The following ERC2 variants were observed in gnomAD, a reference collection of about 807,000 sequenced individuals.
The protein encoded by ERC2 is ELKS/RAB6-interacting/CAST family member 2.
Under a neutral mutation model 114.8 loss-of-function variants are expected in ERC2, and 42 were observed. The ratio of observed to expected loss-of-function variants is 0.37; its 90% CI spans 0.29 to 0.47. ERC2 has a LOEUF of 0.47. Among genes scored for constraint, ERC2 ranks in the 20% least tolerant of loss-of-function variants. ERC2 has a pLI of 0.99. For missense variants in ERC2, 939 were observed against 1,150.7 expected (o/e 0.82, Z 2.66); for synonymous variants, 454 against 425.5 (o/e 1.07, Z -0.82).
chr3:55,895,952 A>G (rs2063822711), intron 13 of ERC2, among the ~76,000 whole-genome samples: 1 of 152,230 alleles, frequency 6.6e-6, no homozygotes, highest in East Asian at 1.9e-4. Context: ...TGGAGGCCCT[A>G]TGTTCGCTGC....
intron 13 of ERC2, among the ~76,000 whole-genome samples, chr3:55,946,184 G>A (rs1307735629): frequency 6.6e-6 from 1 of 152,166 alleles, no homozygotes; most frequent in Non-Finnish European, 1.5e-5. Context: ...TGTGGGCTCT[G>A]ATGGGACACA....
rs2073510318 is a variant in ERC2, at chr3:56,018,907, G to A, written c.1766C>T (p.Ala589Val). Reference sequence around the variant, plus strand: ...GTGCATGCTCACCTTCTCTGACAGAGCTTCCTCTAGCGTCGCCAGTGCAGT... The same window carrying A: ...GTGCATGCTCACCTTCTCTGACAGAACTTCCTCTAGCGTCGCCAGTGCAGT... ...TDTALATLEE[A>V]LSEKERIIER... Residue 589 changes from alanine (A) to valine (V), a missense_variant, in exon 8 of 18, where the codon GCT becomes GTT. By Grantham distance (64) the Ala-to-Val change is moderately conservative. Transcript: ENST00000288221. 1.2e-6 allele frequency: 2 copies of A among 1,611,832 alleles called. No individual in the cohort carries two copies. Among genetic ancestry groups the A allele is most frequent in the Non-Finnish European group, 1.7e-6 (2 of 1,179,088 alleles).
intron 2 of ERC2, among the ~76,000 whole-genome samples, chr3:56,378,861 C>T (rs533915478): frequency 6.6e-6 from 1 of 152,162 alleles, no homozygotes; most frequent in Admixed American, 6.5e-5. Flanking sequence ...TACCTCCATT[C>T]GAGAACCCTG....
intron 2 of ERC2, among the ~76,000 whole-genome samples, chr3:56,331,874 CA>C (rs1314014780): frequency 1.7e-4 from 26 of 152,162 alleles, no homozygotes; most frequent in Admixed American, 1.4e-3. Flanking sequence ...AAAAGCTAGG[CA>C]GATGGATAAG....
chr3:55,860,451 G>A (rs537928619), intron 14 of ERC2, among the ~76,000 whole-genome samples: 51 of 151,412 alleles, frequency 3.4e-4, no homozygotes, highest in Non-Finnish European at 6.2e-4. Context: ...TTCTTTTTTG[G>A]TATGTAGAGT....
chr3:56,351,339 C>T lies in ERC2; in HGVS notation c.658-54904G>A, dbSNP rs147097204. The stretch of plus-strand genomic sequence containing the variant: ...GACATAAAATAACTGACCATTTGTA[C>T]GCATCCTTTTTCTTTCTTTTCATAT... On this transcript the variant is annotated intron_variant, in intron 2 of 17. Transcript: ENST00000288221. Among the ~76,000 whole-genome samples the T allele has an allele frequency of 7.6e-3, 1,159 of 152,098 alleles. 16 individuals carry two copies. The highest frequency in any genetic ancestry group is 0.025 in the African/African-American group (1,021 of 41,488).
intron 2 of ERC2, among the ~76,000 whole-genome samples, chr3:56,383,534 G>A (rs1470293677): frequency 6.6e-6 from 1 of 152,150 alleles, no homozygotes; most frequent in African/African-American, 2.4e-5. Context: ...CTATCACAGT[G>A]CCTGGCACAT....
At chr3:55,524,428 G>C (rs372799524) in intron 17 of ERC2, among the ~76,000 whole-genome samples, 15 of 151,230 alleles carry the variant, frequency 9.9e-5, no homozygotes, top group African/African-American at 3.6e-4. Context: ...AGCCAGCCAC[G>C]TTGGCAGCCT....
intron 13 of ERC2, among the ~76,000 whole-genome samples, chr3:55,918,341 A>G (rs2065225020): frequency 6.6e-6 from 1 of 152,112 alleles, no homozygotes; most frequent in Admixed American, 6.6e-5. Context: ...ATCTATGAGC[A>G]TCTGTTTTGT....
chr3:55,756,875 C>T (rs1439045830), intron 14 of ERC2, among the ~76,000 whole-genome samples: 2 of 151,898 alleles, frequency 1.3e-5, no homozygotes, highest in Non-Finnish European at 2.9e-5. Flanking sequence ...AGAAAGGAAA[C>T]GTACATGCTT....
intron 14 of ERC2, among the ~76,000 whole-genome samples, chr3:55,814,042 T>C (rs929975554): frequency 3.3e-5 from 5 of 152,190 alleles, no homozygotes; most frequent in African/African-American, 1.2e-4. Flanking sequence ...ATATGAAGTT[T>C]GGAGAGGAAG....
intron 10 of ERC2, among the ~76,000 whole-genome samples, chr3:55,995,130 C>G (rs546207267): frequency 2.6e-5 from 4 of 152,138 alleles, no homozygotes; most frequent in African/African-American, 9.7e-5. Flanking sequence ...GTCAAGAGAT[C>G]GAGACCATCC....
intron 3 of ERC2, among the ~76,000 whole-genome samples, chr3:56,212,882 C>G (rs1290728463): frequency 6.6e-6 from 1 of 152,014 alleles, no homozygotes; most frequent in Non-Finnish European, 1.5e-5. Flanking sequence ...TTTGCAGCAA[C>G]CTGGATGGAA....
intron 2 of ERC2, among the ~76,000 whole-genome samples, chr3:56,300,752 G>C (rs2055818271): frequency 6.6e-6 from 1 of 152,194 alleles, no homozygotes; most frequent in Non-Finnish European, 1.5e-5. Flanking sequence ...CCTGCTCCCA[G>C]TCACCCACCT....
intron 7 of ERC2, among the ~76,000 whole-genome samples, chr3:56,028,519 T>G (rs566432363): frequency 9.8e-4 from 149 of 152,258 alleles, no homozygotes; most frequent in African/African-American, 3.5e-3. Context: ...TCCTGCAGGT[T>G]TTCCTAAGTT....
At chr3:56,113,464 A>G (rs754722292) in intron 6 of ERC2, among the ~76,000 whole-genome samples, 1 of 152,196 alleles carries the variant, frequency 6.6e-6, no homozygotes, top group Non-Finnish European at 1.5e-5. Context: ...CTATGATTTA[A>G]TGCCCACATA....
At chr3:55,566,378 G>T (rs143624638) in intron 17 of ERC2, among the ~76,000 whole-genome samples, 30 of 152,042 alleles carry the variant, frequency 2.0e-4, no homozygotes, top group South Asian at 1.5e-3. Context: ...ATTATTCAAT[G>T]AATGCTTGCT....
chr3:55,740,193 C>T (rs890058787), intron 14 of ERC2, among the ~76,000 whole-genome samples: 3 of 152,074 alleles, frequency 2.0e-5, no homozygotes, highest in Non-Finnish European at 2.9e-5. Flanking sequence ...TCATTAAATA[C>T]AGTTCCAAGT....
intron 3 of ERC2, among the ~76,000 whole-genome samples, chr3:56,239,311 G>A (rs1353608910): frequency 1.3e-5 from 2 of 152,050 alleles, no homozygotes; most frequent in Admixed American, 1.3e-4. Context: ...GAGCTCAGGA[G>A]TTTGCGACCA....
Sources: gnomAD v4.1 joint callset for allele counts (sites outside exome capture counted in the v4.1 genomes callset) on GRCh38, gnomAD v4.1.1 for gene constraint, MANE v1.5 for transcripts, NCBI Gene and HGNC (gene_info 2026-07-23, HGNC 2026-07-21) for gene names.